Variants in MAPKAP1 observed in about 807,000 individuals in gnomAD.
MAPKAP1 encodes the protein target of rapamycin complex 2 subunit MAPKAP1.
In MAPKAP1, 20 loss-of-function variants were observed where a neutral mutation model predicts 65.7. That is an observed-to-expected ratio of 0.30 (90% CI 0.21 to 0.44). The LOEUF (loss-of-function observed/expected upper bound fraction) is 0.44, where lower values mean the gene tolerates loss of function less well. Among genes scored for constraint, MAPKAP1 ranks in the 20% least tolerant of loss-of-function variants. MAPKAP1 has a pLI of 1.00. For missense variants in MAPKAP1, 423 were observed against 648.0 expected (o/e 0.65, Z 3.77); for synonymous variants, 222 against 244.3 (o/e 0.91, Z 0.85).
chr9:125,647,934 C>CTT (rs59735781), intron 4 of MAPKAP1, among the ~76,000 whole-genome samples: 60 of 140,620 alleles, frequency 4.3e-4, no homozygotes, highest in African/African-American at 1.5e-3. Flanking sequence ...GTCCCAATAT[C>CTT]TTTTTTTTTT....
At chr9:125,544,167 T>C (rs1182425996) in intron 6 of MAPKAP1, among the ~76,000 whole-genome samples, 3 of 152,048 alleles carry the variant, frequency 2.0e-5, no homozygotes, top group Non-Finnish European at 2.9e-5. Flanking sequence ...CCTGCCACCG[T>C]GCCTGGCTAA....
intron 10 of MAPKAP1, among the ~76,000 whole-genome samples, chr9:125,461,302 C>T (rs1426727688): frequency 6.6e-6 from 1 of 152,202 alleles, no homozygotes. Context: ...TGCCTAAACC[C>T]ATCTCCCCGG....
At chr9:125,492,419 A>G (rs1854770224) in intron 8 of MAPKAP1, among the ~76,000 whole-genome samples, 1 of 152,238 alleles carries the variant, frequency 6.6e-6, no homozygotes, top group Non-Finnish European at 1.5e-5. Context: ...GACAACAAAC[A>G]CAGCTGCAAA....
At chr9:125,689,069 T>A (rs1033292569) in intron 1 of MAPKAP1, among the ~76,000 whole-genome samples, 1 of 152,162 alleles carries the variant, frequency 6.6e-6, no homozygotes, top group African/African-American at 2.4e-5. Context: ...TATAAAGTGC[T>A]AAGTCATAGT....
chr9:125,602,439 A>G (rs1832325579), intron 4 of MAPKAP1, among the ~76,000 whole-genome samples: 1 of 152,218 alleles, frequency 6.6e-6, no homozygotes, highest in Admixed American at 6.5e-5. Flanking sequence ...ATCACCAAGA[A>G]AGCAGTAAGT....
At chr9:125,531,330 T>C (rs559139958) in intron 7 of MAPKAP1, among the ~76,000 whole-genome samples, 31 of 152,384 alleles carry the variant, frequency 2.0e-4, no homozygotes, top group Admixed American at 8.5e-4. Flanking sequence ...CTCTGAGCTT[T>C]AGTATTCTCA....
chr9:125,641,430 C>A (rs1421797500), intron 4 of MAPKAP1, among the ~76,000 whole-genome samples: 1 of 151,994 alleles, frequency 6.6e-6, no homozygotes, highest in Non-Finnish European at 1.5e-5. Context: ...TTAATAATGA[C>A]ATTTCATTGT....
intron 5 of MAPKAP1, among the ~76,000 whole-genome samples, chr9:125,579,282 A>C (rs1279667379): frequency 6.6e-6 from 1 of 152,196 alleles, no homozygotes; most frequent in Non-Finnish European, 1.5e-5. Flanking sequence ...AGGCACAGGA[A>C]CAGGAGAACA....
At chr9:125,558,628 G>C (rs979822693) in intron 6 of MAPKAP1, among the ~76,000 whole-genome samples, 1 of 152,126 alleles carries the variant, frequency 6.6e-6, no homozygotes, top group Non-Finnish European at 1.5e-5. Flanking sequence ...CTAACAGCAG[G>C]GGGTGCCAAA....
chr9:125,631,505 C>A (rs1833278204), intron 4 of MAPKAP1, among the ~76,000 whole-genome samples: 1 of 152,198 alleles, frequency 6.6e-6, no homozygotes, highest in Admixed American at 6.5e-5. Flanking sequence ...CTCCTTGTGG[C>A]ACTTGTCTGA....
At chr9:125,470,650 T>C (rs1377845936) in intron 9 of MAPKAP1, among the ~76,000 whole-genome samples, 3 of 152,232 alleles carry the variant, frequency 2.0e-5, no homozygotes, top group Non-Finnish European at 4.4e-5. Flanking sequence ...CACAGAACAC[T>C]TTCCCAATGA....
chr9:125,530,540 A>G (rs1223716570), intron 7 of MAPKAP1, among the ~76,000 whole-genome samples: 4 of 152,260 alleles, frequency 2.6e-5, no homozygotes, highest in African/African-American at 9.6e-5. Flanking sequence ...TCTTTGGCAT[A>G]GGAAATTAAA....
intron 9 of MAPKAP1, among the ~76,000 whole-genome samples, chr9:125,469,527 A>C (rs1853818434): frequency 6.6e-6 from 1 of 152,238 alleles, no homozygotes; most frequent in Non-Finnish European, 1.5e-5. Flanking sequence ...GCAGAAGAAG[A>C]ATGTGTGCAG....
At chr9:125,625,405 G>T (rs1833088121) in intron 4 of MAPKAP1, among the ~76,000 whole-genome samples, 1 of 151,618 alleles carries the variant, frequency 6.6e-6, no homozygotes, top group Non-Finnish European at 1.5e-5. Context: ...ATTATTGAGG[G>T]AAAAACAAAA....
chr9:125,669,482 A>C (rs1456689270), intron 3 of MAPKAP1, among the ~76,000 whole-genome samples: 3 of 152,122 alleles, frequency 2.0e-5, no homozygotes, highest in African/African-American at 7.2e-5. Context: ...CACTATCTCA[A>C]AAAAAATAAT....
chr9:125,450,288 T>A (rs751505105), intron 10 of MAPKAP1, among the ~76,000 whole-genome samples: 2 of 152,146 alleles, frequency 1.3e-5, no homozygotes, highest in African/African-American at 2.4e-5. Flanking sequence ...TTCTTTTCCT[T>A]ATTAAAAATA....
chr9:125,660,289 G>A (rs1288156414), intron 3 of MAPKAP1, among the ~76,000 whole-genome samples: 2 of 152,132 alleles, frequency 1.3e-5, no homozygotes, highest in South Asian at 2.1e-4. Flanking sequence ...TGACTAAAAA[G>A]GGGCACGAGG....
chr9:125,506,151 C>T, intron 8 of MAPKAP1, 159 bp downstream of exon 8: 1 of 669,156 alleles, frequency 1.5e-6, no homozygotes, highest in Non-Finnish European at 2.7e-6. Flanking sequence ...AATCATTTCA[C>T]TTTGGGATAT....
intron 5 of MAPKAP1, among the ~76,000 whole-genome samples, chr9:125,580,290 T>C (rs1831577701): frequency 6.6e-6 from 1 of 152,176 alleles, no homozygotes; most frequent in Non-Finnish European, 1.5e-5. Flanking sequence ...TCAACTCAAA[T>C]GTCCATCAAT....
Sources: allele counts gnomAD v4.1 joint callset (sites outside exome capture counted in the v4.1 genomes callset), GRCh38; gene constraint gnomAD v4.1.1; transcripts MANE v1.5; gene names NCBI Gene and HGNC (gene_info 2026-07-23, HGNC 2026-07-21).